The following TMEM178A variants were observed in gnomAD, a reference collection of about 807,000 sequenced individuals.
The protein encoded by TMEM178A is transmembrane protein 178.
Under a neutral mutation model 29.1 loss-of-function variants are expected in TMEM178A, and 12 were observed. The ratio of observed to expected loss-of-function variants is 0.41; its 90% CI spans 0.26 to 0.67. The LOEUF is 0.67. Among genes scored for constraint, TMEM178A ranks in the 30% least tolerant of loss-of-function variants. TMEM178A has a pLI of 0.29. For missense variants in TMEM178A, 366 were observed against 419.1 expected (o/e 0.87, Z 1.11); for synonymous variants, 210 against 187.2 (o/e 1.12, Z -0.99).
chr2:39,697,938 T>G (rs1671618176), intron 1 of TMEM178A: 1 of 152,200 alleles, frequency 6.6e-6, no homozygotes, highest in South Asian at 2.1e-4. Flanking sequence ...AGAAAATAGT[T>G]TCTCCCCACT....
At chr2:39,730,248 G>A in the TMEM178A span, among the ~76,000 whole-genome samples, 3 of 152,112 alleles carry the variant, frequency 2.0e-5, no homozygotes, top group African/African-American at 4.8e-5. Flanking sequence ...GGGTTTCCAC[G>A]AATGACCCTG....
intron 1 of TMEM178A, among the ~76,000 whole-genome samples, chr2:39,673,798 C>A (rs1381363553): frequency 6.6e-6 from 1 of 152,208 alleles, no homozygotes; most frequent in Non-Finnish European, 1.5e-5. Flanking sequence ...CTTTTGTCTA[C>A]ATTTCAAGGA....
At chr2:39,730,884 A>T in the TMEM178A span, among the ~76,000 whole-genome samples, 1 of 152,150 alleles carries the variant, frequency 6.6e-6, no homozygotes, top group African/African-American at 2.4e-5. Context: ...ACTATGGGAG[A>T]AATAGCACCA....
chr2:39,707,078 G>A lies in TMEM178A; in HGVS notation c.544G>A (p.Gly182Ser). 2.5e-6 allele frequency: 4 copies of A among 1,613,030 alleles called. No individual in the cohort carries two copies. Among genetic ancestry groups the A allele is most frequent in the South Asian group, 1.1e-5 (1 of 90,848 alleles). Residue 182 changes from glycine (G) to serine (S), a missense_variant, in exon 3 of 4, where the codon GGC (glycine) becomes AGC (serine). Gly to Ser is a moderately conservative substitution (Grantham distance 56, BLOSUM62 0). Transcript: ENST00000281961. ...HLRRITAGFLGMAVAVLLCGC... is the reference protein window; with the variant it reads ...HLRRITAGFLSMAVAVLLCGC... ...AAGAAGAATCACTGCTGGCTTCCTC[G>A]GCATGGCCGTAGCCGTCCTTCTCTG...
chr2:39,724,578 T>A, the TMEM178A span, among the ~76,000 whole-genome samples: 19 of 152,302 alleles, frequency 1.2e-4, no homozygotes, highest in African/African-American at 3.9e-4. Flanking sequence ...CAAATTTTTT[T>A]ATTATATCTC....
chr2:39,731,819 G>C, the TMEM178A span, among the ~76,000 whole-genome samples: 1 of 152,284 alleles, frequency 6.6e-6, no homozygotes, highest in East Asian at 1.9e-4. Flanking sequence ...CCAGTGCATT[G>C]TTTCTGTCTG....
At chr2:39,720,686 C>G (rs529021570), downstream of TMEM178A, among the ~76,000 whole-genome samples, 1 of 152,288 alleles carries the variant, frequency 6.6e-6, no homozygotes, top group South Asian at 2.1e-4. Flanking sequence ...GCCTGGTAGA[C>G]CGTAGGTGCT....
At chr2:39,688,492 A>G (rs570441191) in intron 1 of TMEM178A, among the ~76,000 whole-genome samples, 34 of 152,364 alleles carry the variant, frequency 2.2e-4, no homozygotes, top group African/African-American at 7.9e-4. Context: ...GGCTCTTGCC[A>G]CTGGAAGGTG....
At chr2:39,722,372 C>T (rs187878005), downstream of TMEM178A, among the ~76,000 whole-genome samples, 12 of 152,214 alleles carry the variant, frequency 7.9e-5, no homozygotes, top group Admixed American at 5.9e-4. Flanking sequence ...GTTAACTCAG[C>T]GTTATACAGG....
chr2:39,697,876 C>T (rs967454887), intron 1 of TMEM178A: 1 of 152,130 alleles, frequency 6.6e-6, no homozygotes, highest in East Asian at 1.9e-4. Flanking sequence ...TAAAAGGGAC[C>T]ACACATTTCC....
chr2:39,668,919 A>G (rs1359164863), intron 1 of TMEM178A, among the ~76,000 whole-genome samples: 2 of 152,240 alleles, frequency 1.3e-5, no homozygotes, highest in African/African-American at 2.4e-5. Context: ...ATATTAGGCA[A>G]ACATTATCAC....
At chr2:39,667,671 T>G (rs1416328748) in intron 1 of TMEM178A, among the ~76,000 whole-genome samples, 1 of 152,204 alleles carries the variant, frequency 6.6e-6, no homozygotes, top group African/African-American at 2.4e-5. Context: ...CTCAAACATG[T>G]CAACTTCCTC....
chr2:39,671,694 C>T (rs946264970), intron 1 of TMEM178A, among the ~76,000 whole-genome samples: 6 of 152,250 alleles, frequency 3.9e-5, no homozygotes, highest in East Asian at 1.9e-4. Context: ...AAGCAAATTT[C>T]GAAGGGATGT....
At chr2:39,692,010 T>A (rs1322044035) in intron 1 of TMEM178A, among the ~76,000 whole-genome samples, 2 of 152,052 alleles carry the variant, frequency 1.3e-5, no homozygotes, top group African/African-American at 4.8e-5. Context: ...CTGTCATATG[T>A]GACATGAATG....
chr2:39,676,735 A>G (rs1670642013), intron 1 of TMEM178A, among the ~76,000 whole-genome samples: 1 of 152,156 alleles, frequency 6.6e-6, no homozygotes, highest in Non-Finnish European at 1.5e-5. Flanking sequence ...CACAAGATAG[A>G]GCCTGAAGCA....
chr2:39,673,613 A>C (rs1670494739), intron 1 of TMEM178A, among the ~76,000 whole-genome samples: 1 of 152,246 alleles, frequency 6.6e-6, no homozygotes, highest in Non-Finnish European at 1.5e-5. Flanking sequence ...CTGAGTGTAC[A>C]GATAATTCCA....
chr2:39,735,633 T>A, the TMEM178A span, among the ~76,000 whole-genome samples: 1 of 152,232 alleles, frequency 6.6e-6, no homozygotes, highest in Non-Finnish European at 1.5e-5. Flanking sequence ...AGAGTATCAG[T>A]CTCCATTATC....
intron 1 of TMEM178A, among the ~76,000 whole-genome samples, chr2:39,691,280 T>A (rs779112666): frequency 7.9e-5 from 12 of 152,132 alleles, no homozygotes; most frequent in Non-Finnish European, 1.5e-4. Flanking sequence ...ATAATATAAC[T>A]GTTGAAAGTC....
chr2:39,691,951 A>G (rs1671334293), intron 1 of TMEM178A, among the ~76,000 whole-genome samples: 2 of 151,988 alleles, frequency 1.3e-5, no homozygotes, highest in South Asian at 2.1e-4. Flanking sequence ...ATATACATAT[A>G]TATGTATATA....
Sources: allele counts gnomAD v4.1 joint callset (sites outside exome capture counted in the v4.1 genomes callset), GRCh38; gene constraint gnomAD v4.1.1; transcripts MANE v1.5; gene names NCBI Gene and HGNC (gene_info 2026-07-23, HGNC 2026-07-21).